The following RIT2 variants were observed in gnomAD, a reference collection of about 807,000 sequenced individuals.
RIT2 encodes GTP-binding protein Rit2.
RIT2 carries 24 observed loss-of-function variants against 23.7 expected under a neutral mutation model. That is an observed-to-expected ratio of 1.01 (90% CI 0.73 to 1.43). RIT2 has a LOEUF of 1.43. Among genes scored for constraint, RIT2 ranks in the 40% most tolerant of loss-of-function variants. RIT2 has a pLI of 0.00. For synonymous variants in RIT2, 107 were observed against 91.1 expected, an observed-to-expected ratio of 1.17 and a Z score of -0.99; for missense variants, 236 against 266.9, an observed-to-expected ratio of 0.88 and a Z score of 0.81.
intron 4 of RIT2, among the ~76,000 whole-genome samples, chr18:42,823,664 A>G (rs906064050): frequency 6.6e-6 from 1 of 152,188 alleles, no homozygotes; most frequent in Non-Finnish European, 1.5e-5. Context: ...GAATAAAATA[A>G]TACTAGTAAG....
intron 4 of RIT2, among the ~76,000 whole-genome samples, chr18:42,867,045 A>C (rs558759083): frequency 1.3e-5 from 2 of 152,286 alleles, no homozygotes; most frequent in South Asian, 4.1e-4. Flanking sequence ...CATGTGTTCA[A>C]TGTGAACTAT....
rs567296757 is a variant in RIT2 at position 42,917,215 on chromosome 18, C to T, written c.426+6357G>A. Among the ~76,000 whole-genome samples, 7 of 152,158 alleles carry T rather than the reference C, an allele frequency of 4.6e-5. No individual in the cohort carries two copies. In the East Asian group the frequency reaches 9.7e-4, roughly 21 times the overall value. On this transcript the variant is annotated intron_variant, in intron 4 of 4. Coordinates refer to ENST00000326695, the MANE Select transcript of RIT2 (RefSeq NM_002930.4). ...TCTGTCACTGATTTGTCCAAGGACACAGTAATCATCTGAGTAACAATTCAA... is the reference window on the plus strand; with the variant it reads ...TCTGTCACTGATTTGTCCAAGGACATAGTAATCATCTGAGTAACAATTCAA...
At chr18:43,112,662 G>T (rs1471765590) in intron 1 of RIT2, among the ~76,000 whole-genome samples, 1 of 152,114 alleles carries the variant, frequency 6.6e-6, no homozygotes, top group African/African-American at 2.4e-5. Context: ...CCAGCACTTT[G>T]GGGGGCTGAG....
At chr18:43,047,186 A>G (rs562173512) in intron 1 of RIT2, among the ~76,000 whole-genome samples, 1 of 151,846 alleles carries the variant, frequency 6.6e-6, no homozygotes, top group African/African-American at 2.4e-5. Context: ...TCTCAATGTC[A>G]TATATTCATG....
chr18:42,972,324 A>G (rs1910380708), intron 3 of RIT2, among the ~76,000 whole-genome samples: 1 of 151,948 alleles, frequency 6.6e-6, no homozygotes, highest in African/African-American at 2.4e-5. Context: ...AAGCAAATGC[A>G]TCTGTTAATA....
At chr18:43,025,371 G>A (rs975376052) in intron 2 of RIT2, among the ~76,000 whole-genome samples, 2 of 151,814 alleles carry the variant, frequency 1.3e-5, no homozygotes, top group African/African-American at 4.8e-5. Context: ...AAATGATATA[G>A]AGATTTATCA....
At chr18:42,838,845 A>C (rs2144020779) in intron 4 of RIT2, among the ~76,000 whole-genome samples, 1 of 152,312 alleles carries the variant, frequency 6.6e-6, no homozygotes, top group Non-Finnish European at 1.5e-5. Context: ...TACAACCAAA[A>C]AGAACAAGCA....
At chr18:43,046,543 G>T (rs1912251879) in intron 1 of RIT2, among the ~76,000 whole-genome samples, 1 of 152,160 alleles carries the variant, frequency 6.6e-6, no homozygotes, top group Non-Finnish European at 1.5e-5. Context: ...ACAGGCAGAG[G>T]CCTTGGCTCC....
chr18:43,003,393 C>T (rs989920932), intron 2 of RIT2, among the ~76,000 whole-genome samples: 6 of 151,706 alleles, frequency 4.0e-5, no homozygotes, highest in Non-Finnish European at 7.4e-5. Context: ...CTTATTTTTC[C>T]GAGTGAAAAC....
chr18:42,974,367 A>G (rs17643871), intron 2 of RIT2, among the ~76,000 whole-genome samples: 14,516 of 151,896 alleles, frequency 0.096, 804 homozygotes, highest in Non-Finnish European at 0.12. Flanking sequence ...CATCAGGAAA[A>G]TTTTGCGATC....
At chr18:43,095,212 C>T (rs1913523957) in intron 1 of RIT2, among the ~76,000 whole-genome samples, 1 of 152,086 alleles carries the variant, frequency 6.6e-6, no homozygotes, top group South Asian at 2.1e-4. Flanking sequence ...TCCACATCCT[C>T]TACAGCATCT....
intron 4 of RIT2, among the ~76,000 whole-genome samples, chr18:42,851,226 G>T (rs1201973029): frequency 6.6e-6 from 1 of 152,118 alleles, no homozygotes; most frequent in South Asian, 2.1e-4. Flanking sequence ...TCTCTGCAGA[G>T]CTACTTGATA....
intron 1 of RIT2, among the ~76,000 whole-genome samples, chr18:43,048,611 C>T: frequency 6.6e-6 from 1 of 152,196 alleles, no homozygotes; most frequent in South Asian, 2.1e-4. Context: ...AAACTAGTGA[C>T]CAGACAATCG....
chr18:42,772,676 A>C (rs2143917374), intron 4 of RIT2, among the ~76,000 whole-genome samples: 1 of 152,306 alleles, frequency 6.6e-6, no homozygotes, highest in African/African-American at 2.4e-5. Flanking sequence ...AGCTCCTAAT[A>C]AAATGTTCTC....
chr18:42,901,842 T>C (rs957170760), intron 4 of RIT2, among the ~76,000 whole-genome samples: 5 of 151,950 alleles, frequency 3.3e-5, no homozygotes, highest in Non-Finnish European at 5.9e-5. Flanking sequence ...TTTTGCTGTA[T>C]TGTCAAAGGA....
intron 2 of RIT2, among the ~76,000 whole-genome samples, chr18:43,009,385 A>C (rs938181204): frequency 2.0e-5 from 3 of 151,784 alleles, no homozygotes; most frequent in African/African-American, 7.2e-5. Context: ...TTGCATGTGG[A>C]CAAAAGATTT....
intron 4 of RIT2, among the ~76,000 whole-genome samples, chr18:42,850,690 T>A (rs1598682553): frequency 6.6e-6 from 1 of 152,192 alleles, no homozygotes; most frequent in Non-Finnish European, 1.5e-5. Flanking sequence ...AGATACAATA[T>A]CTACCTTATT....
intron 2 of RIT2, among the ~76,000 whole-genome samples, chr18:42,979,047 T>C (rs1910536406): frequency 6.6e-6 from 1 of 152,172 alleles, no homozygotes; most frequent in Non-Finnish European, 1.5e-5. Context: ...AAAACTAAAT[T>C]ATTTCTGCTA....
At chr18:42,899,913 T>G (rs1908429671) in intron 4 of RIT2, among the ~76,000 whole-genome samples, 1 of 152,136 alleles carries the variant, frequency 6.6e-6, no homozygotes, top group East Asian at 1.9e-4. Flanking sequence ...AAGTACATAC[T>G]TTCTCAACAT....
Sources: allele counts gnomAD v4.1 joint callset (sites outside exome capture counted in the v4.1 genomes callset), GRCh38; gene constraint gnomAD v4.1.1; transcripts MANE v1.5; gene names NCBI Gene and HGNC (gene_info 2026-07-23, HGNC 2026-07-21).